Variants in SREBF2 observed in about 807,000 individuals in gnomAD.
The protein encoded by SREBF2 is sterol regulatory element-binding protein 2.
In SREBF2, 55 loss-of-function variants were observed where a neutral mutation model predicts 113.1. The ratio of observed to expected loss-of-function variants is 0.49; its 90% CI spans 0.39 to 0.61. The LOEUF (loss-of-function observed/expected upper bound fraction) is 0.61, where lower values mean the gene tolerates loss of function less well. Ranked by LOEUF, SREBF2 falls within the 20% of genes least tolerant of loss-of-function variation. The pLI is 0.00. For synonymous variants in SREBF2, 593 were observed against 605.7 expected (o/e 0.98, Z 0.31); for missense variants, 1,349 against 1,487.4 (o/e 0.91, Z 1.53).
chr22:41,866,855 A>G lies in SREBF2; in HGVS notation c.113A>G (p.Gln38Arg). Residue 38 changes from glutamine (Q) to arginine (R), a missense_variant, in exon 2 of 19, where the codon CAA becomes CGA. Gln to Arg is a conservative substitution (Grantham distance 43). Coordinates refer to ENST00000361204, the MANE Select transcript of SREBF2 (RefSeq NM_004599.4). The part of the protein sequence containing the change: ...IDEMLQFVSN[Q>R]VGEFPDLFSE... The stretch of plus-strand genomic sequence containing the variant: ...GAGATGCTGCAATTTGTCAGTAATC[A>G]AGTGGGAGAGTTCCCTGACTTGTTT... 1 of 1,614,236 alleles carries G rather than the reference A, an allele frequency of 6.2e-7. No individual in the cohort carries two copies. The highest frequency in any genetic ancestry group is 8.5e-7 in the Non-Finnish European group (1 of 1,180,042).
At chr22:41,899,129 C>T in intron 15 of SREBF2, 2 of 854,108 alleles carry the variant, frequency 2.3e-6, no homozygotes, top group Non-Finnish European at 3.2e-6. Context: ...TGGAGGCAGG[C>T]ACTGGTGGTT....
At chr22:41,887,428 A>G (rs569488766) in intron 11 of SREBF2, among the ~76,000 whole-genome samples, 7 of 152,288 alleles carry the variant, frequency 4.6e-5, no homozygotes, top group African/African-American at 1.7e-4. Context: ...GGTAACCACC[A>G]TCCTAGTCAC....
rs770365369 is a variant in SREBF2 at position 41,875,471 on chromosome 22, G to C, written c.1204+20G>C. 10 of 1,614,074 alleles carry C rather than the reference G, an allele frequency of 6.2e-6. No individual in the cohort carries two copies. Among genetic ancestry groups the C allele is most frequent in the Non-Finnish European group, 6.8e-6 (8 of 1,180,012 alleles). ...AGAACAGTAAGTGTGCTGAGAAAAG[G>C]CTTGTCAGCCCTGGCCCAGGTGGGG... On this transcript the variant is annotated intron_variant, in intron 6 of 18. Transcript: ENST00000361204.
chr22:41,878,621 A>G (rs2077218842), intron 9 of SREBF2: 1 of 1,257,060 alleles, frequency 8.0e-7, no homozygotes, highest in African/African-American at 1.5e-5. Context: ...GTTTTTGAGC[A>G]GGAAAACTAG....
chr22:41,880,856 G>A lies in SREBF2; in HGVS notation c.1902G>A (p.Val634=). ...ACAGCCTGCAGAAGCTACGCCTGGTGCGCTGGCTGCTCAAGAAAGTCTTCC... is the reference window on the plus strand; with the variant it reads ...ACAGCCTGCAGAAGCTACGCCTGGTACGCTGGCTGCTCAAGAAAGTCTTCC... ...IRYSLQKLRL[V]RWLLKKVFQC... is the part of the protein sequence containing the mutation. Residue 634 remains valine, a synonymous_variant, in exon 10 of 19, where the codon GTG becomes GTA. Coordinates refer to ENST00000361204, the MANE Select transcript of SREBF2 (RefSeq NM_004599.4). The A allele has an allele frequency of 1.2e-6, 2 of 1,614,010 alleles. No individual in the cohort carries two copies. The highest frequency in any genetic ancestry group is 1.7e-6 in the Non-Finnish European group (2 of 1,180,020).
At chr22:41,889,529 A>T (rs2077335494) in intron 11 of SREBF2, among the ~76,000 whole-genome samples, 1 of 152,102 alleles carries the variant, frequency 6.6e-6, no homozygotes, top group South Asian at 2.1e-4. Flanking sequence ...AAGAAGAAAT[A>T]ATATTTTTTG....
intron 10 of SREBF2, among the ~76,000 whole-genome samples, chr22:41,883,567 C>T (rs186768542): frequency 4.6e-5 from 7 of 152,318 alleles, no homozygotes; most frequent in Admixed American, 3.3e-4. Context: ...AGAAGCTTTA[C>T]GTCACTCATT....
intron 1 of SREBF2, among the ~76,000 whole-genome samples, chr22:41,866,366 A>G (rs564950250): frequency 5.3e-5 from 8 of 152,128 alleles, no homozygotes; most frequent in Admixed American, 1.3e-4. Context: ...ACCTATCAAT[A>G]TGGTGAAACC....
At chr22:41,877,447 T>C in intron 8 of SREBF2, 26 bp downstream of exon 8, 1 of 1,611,344 alleles carries the variant, frequency 6.2e-7, no homozygotes, top group Non-Finnish European at 8.5e-7. Flanking sequence ...TTGCCCCACC[T>C]GGGCATGGCT....
At chr22:41,878,201 T>C in intron 9 of SREBF2, 78 bp downstream of exon 9, 1 of 1,576,784 alleles carries the variant, frequency 6.3e-7, no homozygotes, top group Non-Finnish European at 8.6e-7. Flanking sequence ...AAGAAAGTCC[T>C]ATGATAGATG....
Position 41,875,415 on chromosome 22 carries a change from G to A in SREBF2, c.1168G>A (p.Glu390Lys). ...LQQVNHKLRQ[E>K]NMVLKLANQK... ...GCAGGTCAATCATAAACTGCGCCAG[G>A]AGAACATGGTGCTGAAGCTGGCAAA... is the stretch of plus-strand genomic sequence containing the variant. Residue 390 changes from glutamate (E) to lysine (K), a missense_variant, in exon 6 of 19, where the codon GAG (glutamate) becomes AAG (lysine). Coordinates refer to ENST00000361204, the MANE Select transcript of SREBF2 (RefSeq NM_004599.4). The A allele has an allele frequency of 6.2e-7, 1 of 1,614,220 alleles. No homozygotes were observed. The highest frequency in any genetic ancestry group is 8.5e-7 in the Non-Finnish European group (1 of 1,180,048).
intron 17 of SREBF2, among the ~76,000 whole-genome samples, chr22:41,903,602 T>G (rs1025600197): frequency 6.6e-6 from 1 of 152,276 alleles, no homozygotes; most frequent in African/African-American, 2.4e-5. Context: ...GGCCACGTGA[T>G]CTGAACTAAG....
chr22:41,896,978 C>T, intron 13 of SREBF2, 74 bp from the exon 14 acceptor site: 1 of 1,063,768 alleles, frequency 9.4e-7, no homozygotes, highest in Non-Finnish European at 1.4e-6. Context: ...AGCTGGAGAG[C>T]TGAACAGCTA....
intron 1 of SREBF2, among the ~76,000 whole-genome samples, chr22:41,834,877 G>T (rs75927576): frequency 2.0e-4 from 30 of 152,288 alleles, no homozygotes; most frequent in African/African-American, 6.5e-4. Context: ...GTGCCAGACG[G>T]TGTTAAACAG....
intron 11 of SREBF2, among the ~76,000 whole-genome samples, chr22:41,891,077 G>A (rs191120827): frequency 6.6e-6 from 1 of 152,178 alleles, no homozygotes; most frequent in African/African-American, 2.4e-5. Flanking sequence ...TTCTCCTGGA[G>A]CAGCCACCAG....
chr22:41,847,016 T>C (rs1883205), intron 1 of SREBF2, among the ~76,000 whole-genome samples: 112,240 of 152,118 alleles, frequency 0.74, 41,880 homozygotes, highest in African/African-American at 0.82. Flanking sequence ...GAGTACATAG[T>C]GTATGCAAAT....
At chr22:41,850,201 G>A (rs2076915112) in intron 1 of SREBF2, among the ~76,000 whole-genome samples, 1 of 151,968 alleles carries the variant, frequency 6.6e-6, no homozygotes, top group African/African-American at 2.4e-5. Context: ...TGTAATCCCA[G>A]CACTTTGGGA....
chr22:41,864,257 TATATAC>T (rs1404832071), intron 1 of SREBF2, among the ~76,000 whole-genome samples: 4,862 of 72,614 alleles, frequency 0.067, 350 homozygotes, highest in Admixed American at 0.22. Context: ...TATATATATA[TATATAC>T]ACACACACAC....
intron 17 of SREBF2, 77 bp downstream of exon 17, chr22:41,903,232 A>G: frequency 6.6e-7 from 1 of 1,513,042 alleles, no homozygotes; most frequent in South Asian, 1.2e-5. Flanking sequence ...CATGGGCACC[A>G]GCATGTGGTT....
Sources: allele counts gnomAD v4.1 joint callset (sites outside exome capture counted in the v4.1 genomes callset), GRCh38; gene constraint gnomAD v4.1.1; transcripts MANE v1.5; gene names NCBI Gene and HGNC (gene_info 2026-07-23, HGNC 2026-07-21).